KMT2A: variants seen among roughly 807,000 people sequenced by gnomAD.
The protein encoded by KMT2A is lysine methyltransferase 2A.
Under a neutral mutation model 345.3 loss-of-function variants are expected in KMT2A, and 16 were observed. That is an observed-to-expected ratio of 0.05 (90% CI 0.03 to 0.07). KMT2A has a LOEUF of 0.07. Ranked by LOEUF, KMT2A falls within the 10% of genes least tolerant of loss-of-function variation. The probability of loss-of-function intolerance (pLI) is 1.00; values close to 1 mark genes in which losing one functional copy is unlikely to be tolerated. For synonymous variants in KMT2A, 1,599 were observed against 1,778.6 expected, an observed-to-expected ratio of 0.90 and a Z score of 2.54; for missense variants, 3,272 against 4,841.6, an observed-to-expected ratio of 0.68 and a Z score of 9.62.
rs782096521 is a variant in KMT2A, at chr11:118,473,822, C to A, written c.2663C>A (p.Ser888Ter). ...AGAGAAAAGGAGAATAAGCGGGAGT[C>A]AAGGAAAGAGAAAAGGAAAAAGGGA... ...REREKENKRE[S>*]RKEKRKKGSE... Residue 888 changes from serine (S) to a stop codon, truncating the protein, a stop_gained, in exon 3 of 36, where the codon TCA becomes TAA. Transcript: ENST00000534358. LOFTEE classifies it high-confidence loss of function. This position sits in a 1 kb window ranked among gnomAD's most constrained non-coding sequence, Gnocchi z 5.2. 6.2e-7 allele frequency: 1 copy of A among 1,613,982 alleles called. No individual in the cohort carries two copies. Among genetic ancestry groups the A allele is most frequent in the South Asian group, 1.1e-5 (1 of 91,056 alleles).
chr11:118,474,410 T>C (rs1183495412), intron 3 of KMT2A, 95 bp downstream of exon 3: 2 of 1,434,938 alleles, frequency 1.4e-6, no homozygotes, highest in African/African-American at 1.4e-5. Context: ...CATCCAGTTA[T>C]GAGAACCAAG....
intron 10 of KMT2A, among the ~76,000 whole-genome samples, chr11:118,486,145 A>G (rs1257597612): frequency 2.0e-5 from 3 of 152,328 alleles, no homozygotes; most frequent in African/African-American, 4.8e-5. Context: ...GATAATATAT[A>G]TTAATATTAT....
chr11:118,451,354 G>A (rs1448216466), intron 1 of KMT2A, among the ~76,000 whole-genome samples: 1 of 151,782 alleles, frequency 6.6e-6, no homozygotes, highest in Non-Finnish European at 1.5e-5. Flanking sequence ...TGGGACCATA[G>A]GCTCACAACA....
In KMT2A at chr11:118,521,206, C is replaced by A; in HGVS notation, c.11514-82C>A. The A allele has an allele frequency of 6.8e-7, 1 of 1,469,988 alleles. No individual in the cohort carries two copies. Among genetic ancestry groups the A allele is most frequent in the Non-Finnish European group, 9.4e-7 (1 of 1,064,968 alleles). The allele number at this position is 1,469,988 out of a possible 1,614,324, so 91.1% of individuals were successfully genotyped here. A position where few individuals can be genotyped will look rare whatever the true frequency, so the allele number is the denominator to read the frequency against. On this transcript the variant is annotated intron_variant, in intron 34 of 35. Coordinates refer to ENST00000534358, the MANE Select transcript of KMT2A (RefSeq NM_001197104.2). This position sits in a 1 kb window ranked among gnomAD's most constrained non-coding sequence, Gnocchi z 5.3. ...ATGTCCCTCCTGGGGAACTAACAGA[C>A]CAGGAGAACTTATTCATGTATTCAC... is the stretch of plus-strand genomic sequence containing the variant.
chr11:118,488,856 A>G (rs1281953576), intron 11 of KMT2A, 96 bp downstream of exon 11: 2 of 1,110,448 alleles, frequency 1.8e-6, no homozygotes, highest in African/African-American at 1.6e-5. Context: ...GTATCTGGGA[A>G]AAAATGAGTA....
intron 30 of KMT2A, 57 bp from the exon 31 acceptor site, chr11:118,511,894 T>C (rs1950695440): frequency 3.7e-6 from 5 of 1,339,836 alleles, no homozygotes; most frequent in Non-Finnish European, 4.3e-6. Flanking sequence ...TCATTGGTAT[T>C]AAGAAGGGTT....
At chr11:118,460,314 G>T (rs1555032255) in intron 1 of KMT2A, among the ~76,000 whole-genome samples, 1 of 151,986 alleles carries the variant, frequency 6.6e-6, no homozygotes, top group Non-Finnish European at 1.5e-5. Context: ...TCTGAGATAG[G>T]GACTTGCTCT....
rs1454296708 is a variant in KMT2A at position 118,484,239 on chromosome 11, C to T, written c.4143C>T (p.Ser1381=). ...QENAGTLNIL[S]TLSNGNSSKQ... ...ATGCAGGCACTTTGAACATCCTCAGCACTCTCTCCAATGGCAATAGTTCTA... is the reference window on the plus strand; with the variant it reads ...ATGCAGGCACTTTGAACATCCTCAGTACTCTCTCCAATGGCAATAGTTCTA... Residue 1381 remains serine (S), a synonymous_variant, in exon 9 of 36, where the codon AGC becomes AGT. Transcript: ENST00000534358. This position sits in a 1 kb window ranked among gnomAD's most constrained non-coding sequence, Gnocchi z 4.1. The T allele has an allele frequency of 3.1e-6, 5 of 1,613,994 alleles. No homozygotes were observed. Among genetic ancestry groups the T allele is most frequent in the Non-Finnish European group, 4.2e-6 (5 of 1,179,960 alleles).
Position 118,524,690 on chromosome 11 carries a change from G to C in KMT2A, c.*2518G>C, listed in dbSNP as rs1264775693. On this transcript the variant is annotated 3_prime_UTR_variant, in exon 36 of 36. Coordinates refer to ENST00000534358, the MANE Select transcript of KMT2A (RefSeq NM_001197104.2). Reference sequence around the variant, plus strand: ...GTGTGAGGTTTTTTTGTAAATCCTTGTATTCCTATTTTTTTTAAAGAAAAA... The same window carrying C: ...GTGTGAGGTTTTTTTGTAAATCCTTCTATTCCTATTTTTTTTAAAGAAAAA... 1 of 174,736 alleles carries C rather than the reference G, an allele frequency of 5.7e-6. No homozygotes were observed. Among genetic ancestry groups the C allele is most frequent in the African/African-American group, 2.4e-5 (1 of 40,998 alleles). 10.8% of individuals were successfully genotyped at this position (174,736 alleles called of 1,614,324 possible).
rs573971 is a variant in KMT2A at position 118,522,681 on chromosome 11, A to G, written c.*509A>G. The G allele has an allele frequency of 0.73, 160,557 of 219,534 alleles. 60,341 individuals are homozygous for G. The highest frequency in any genetic ancestry group is 0.85 in the Admixed American group (15,457 of 18,144). The allele number at this position is 219,534 out of a possible 1,614,324, so 13.6% of individuals were successfully genotyped here. ...CAGAGGTCTGGTGGTTTTCCCTACT[A>G]TCCTCCCACTCGAGAGTTCACTTCT... On this transcript the variant is annotated 3_prime_UTR_variant, in exon 36 of 36. Coordinates refer to ENST00000534358, the MANE Select transcript of KMT2A (RefSeq NM_001197104.2). This position sits in a 1 kb window ranked among gnomAD's most constrained non-coding sequence, Gnocchi z 5.4.
intron 28 of KMT2A, 66 bp from the exon 29 acceptor site, chr11:118,509,070 T>C (rs2134425884): frequency 1.4e-6 from 2 of 1,384,272 alleles, no homozygotes; most frequent in East Asian, 2.3e-5. Context: ...GTATAGAAAA[T>C]TCTGGGTTTT....
Position 118,498,271 on chromosome 11 carries a change from T to G in KMT2A, c.5803-99T>G. The G allele has an allele frequency of 8.2e-7, 1 of 1,222,526 alleles. No homozygotes were observed. Among genetic ancestry groups the G allele is most frequent in the Non-Finnish European group, 1.1e-6 (1 of 871,736 alleles). 75.7% of individuals were successfully genotyped at this position (1,222,526 alleles called of 1,614,324 possible). A position where few individuals can be genotyped will look rare whatever the true frequency, so the allele number is the denominator to read the frequency against. ...CAATTTATCAATAGATAAAATGAAT[T>G]GTAGGAACTGTAGAATGGGATGAGT... On this transcript the variant is annotated intron_variant, in intron 21 of 35. Coordinates refer to ENST00000534358, the MANE Select transcript of KMT2A (RefSeq NM_001197104.2). This position sits in a 1 kb window ranked among gnomAD's most constrained non-coding sequence, Gnocchi z 4.4.
At chr11:118,507,368 T>C (rs1329165584) in intron 27 of KMT2A, among the ~76,000 whole-genome samples, 161 bp from the exon 28 acceptor site, 1 of 152,202 alleles carries the variant, frequency 6.6e-6, no homozygotes, top group East Asian at 1.9e-4. Context: ...CAGTGCCCCC[T>C]CAAAGTAACC....
Position 118,462,473 on chromosome 11 carries a change from A to G in KMT2A, c.433-6302A>G, listed in dbSNP as rs538560726. On this transcript the variant is annotated intron_variant, in intron 1 of 35. Transcript: ENST00000534358. ...TAAACAATGGGTACTTATTTTTTAA[A>G]GCATGCTTCAAGAAATCAATCAATA... Among the ~76,000 whole-genome samples, 12 of 152,328 alleles carry G rather than the reference A, an allele frequency of 7.9e-5. No homozygotes were observed. The South Asian group carries it at 1.7e-3, about 21-fold the overall frequency.
intron 1 of KMT2A, among the ~76,000 whole-genome samples, chr11:118,458,379 G>A (rs538804060): frequency 7.2e-5 from 11 of 152,224 alleles, no homozygotes; most frequent in African/African-American, 1.4e-4. Flanking sequence ...GAGCCACCTC[G>A]TCCTGCCCCT....
intron 1 of KMT2A, among the ~76,000 whole-genome samples, chr11:118,446,328 G>A (rs1188893020): frequency 1.3e-5 from 2 of 152,174 alleles, no homozygotes; most frequent in African/African-American, 4.8e-5. Context: ...CATCCTGGAG[G>A]ATAGAGTGAG....
At position 118,436,535 on chromosome 11, in the gene KMT2A, G is replaced by T; in HGVS notation, c.23G>T (p.Arg8Leu). ...AACATGGCGCACAGCTGTCGGTGGC[G>T]CTTCCCCGCCCGACCCGGGACCACC... MAHSCRW[R>L]FPARPGTTGG... Residue 8 changes from arginine (R) to leucine (L), a missense_variant, in exon 1 of 36, where the codon CGC becomes CTC. Physicochemically the swap from Arg to Leu is moderately radical, Grantham distance 102 (BLOSUM62 -2). Transcript: ENST00000534358. The surrounding 1 kb of genome is among the most constrained non-coding windows in gnomAD (Gnocchi z 6.9). 2 of 1,254,722 alleles carry T rather than the reference G, an allele frequency of 1.6e-6. No individual in the cohort carries two copies. The allele number at this position is 1,254,722 out of a possible 1,614,324, so 77.7% of individuals were successfully genotyped here. A position where few individuals can be genotyped will look rare whatever the true frequency, so the allele number is the denominator to read the frequency against.
chr11:118,504,273 C>T lies in KMT2A; in HGVS notation c.8381C>T (p.Thr2794Ile). ...TGCCATTCTGTAAGCAGAGTTAAAA[C>T]ACAGGGACAAGATTCCTTGGAAGCT... is the stretch of plus-strand genomic sequence containing the variant. ...DNCHSVSRVK[T>I]QGQDSLEAQL... The change falls in exon 27 of 36, where the codon ACA becomes ATA. Residue 2794 changes from threonine to isoleucine, a missense_variant. Around this residue, in one of 27 missense-constraint regions of KMT2A, gnomAD observed 100 missense variants for 101.3 expected, o/e 0.99. Transcript: ENST00000534358. The surrounding 1 kb of genome is among the most constrained non-coding windows in gnomAD (Gnocchi z 6.4). 6.2e-7 allele frequency: 1 copy of T among 1,614,118 alleles called. No individual in the cohort carries two copies. Among genetic ancestry groups the T allele is most frequent in the Non-Finnish European group, 8.5e-7 (1 of 1,180,028 alleles).
At position 118,503,554 on chromosome 11, in the gene KMT2A, G is replaced by A. The variant is rs1555046731; in HGVS notation, c.7662G>A (p.Glu2554=). ...GTCCTGCTTCCCCTTTGCAAATAGA[G>A]TCAACATCTCCCACAGAACCAATTT... is the stretch of plus-strand genomic sequence containing the variant. ...ESSPASPLQI[E]STSPTEPISA... is the part of the protein sequence containing the mutation. Residue 2554 remains glutamate (E), a synonymous_variant, in exon 27 of 36, where the codon GAG becomes GAA. Coordinates refer to ENST00000534358, the MANE Select transcript of KMT2A (RefSeq NM_001197104.2). The surrounding 1 kb of genome is among the most constrained non-coding windows in gnomAD (Gnocchi z 5.3). 1.9e-6 allele frequency: 3 copies of A among 1,614,106 alleles called. No individual in the cohort carries two copies. The South Asian group carries it at 3.3e-5, about 18-fold the overall frequency.
Sources: gnomAD v4.1 joint callset for allele counts (sites outside exome capture counted in the v4.1 genomes callset) on GRCh38, gnomAD v4.1.1 for gene constraint, gnomAD v4.1.1 regional missense constraint, Gnocchi (gnomAD v3.1) non-coding constraint, MANE v1.5 for transcripts, NCBI Gene and HGNC (gene_info 2026-07-23, HGNC 2026-07-21) for gene names.